The following GLT1D1 variants were observed in gnomAD, a reference collection of about 807,000 sequenced individuals.
GLT1D1 encodes glycosyltransferase 1 domain-containing protein 1.
Under a neutral mutation model 28.7 loss-of-function variants are expected in GLT1D1, and 21 were observed. The ratio of observed to expected loss-of-function variants is 0.73; its 90% CI spans 0.52 to 1.05. GLT1D1 has a LOEUF of 1.05. GLT1D1 is among the 50% of genes least tolerant of loss of function. The pLI is 0.00. For synonymous variants in GLT1D1, 147 were observed against 124.8 expected, an observed-to-expected ratio of 1.18 and a Z score of -1.19; for missense variants, 343 against 330.6, an observed-to-expected ratio of 1.04 and a Z score of -0.29.
intron 2 of GLT1D1, among the ~76,000 whole-genome samples, chr12:128,880,812 C>G (rs1593074116): frequency 6.6e-6 from 1 of 152,078 alleles, no homozygotes; most frequent in East Asian, 1.9e-4. Flanking sequence ...TGCAGTTTCG[C>G]CACCCAGAAA....
At chr12:128,977,985 A>G (rs1429553604) in intron 7 of GLT1D1, among the ~76,000 whole-genome samples, 1 of 151,582 alleles carries the variant, frequency 6.6e-6, no homozygotes, top group Non-Finnish European at 1.5e-5. Flanking sequence ...GGGTTTAACC[A>G]TGTTGGCCAG....
intron 4 of GLT1D1, among the ~76,000 whole-genome samples, chr12:128,942,910 G>A (rs561643211): frequency 1.6e-4 from 25 of 152,074 alleles, no homozygotes; most frequent in African/African-American, 4.8e-4. Context: ...CATCCAGCCC[G>A]AGTAATTTTT....
intron 7 of GLT1D1, among the ~76,000 whole-genome samples, chr12:128,980,875 CAT>C (rs560484611): frequency 1.1e-4 from 17 of 152,344 alleles, no homozygotes; most frequent in African/African-American, 4.1e-4. Context: ...GTGGCAGTGT[CAT>C]ATCGCAAAGA....
intron 6 of GLT1D1, among the ~76,000 whole-genome samples, chr12:128,950,383 C>T (rs1876573132): frequency 1.3e-5 from 2 of 152,288 alleles, no homozygotes; most frequent in South Asian, 2.1e-4. Flanking sequence ...TGAGAATCAC[C>T]GTAACCCCAA....
At chr12:128,968,846 A>G (rs1593203476) in intron 7 of GLT1D1, among the ~76,000 whole-genome samples, 1 of 151,956 alleles carries the variant, frequency 6.6e-6, no homozygotes, top group East Asian at 1.9e-4. Context: ...CTGGGTGAGG[A>G]CTGGGTCTGA....
chr12:128,934,532 A>G (rs1046615560), intron 4 of GLT1D1, among the ~76,000 whole-genome samples: 1 of 152,126 alleles, frequency 6.6e-6, no homozygotes, highest in Admixed American at 6.5e-5. Context: ...CAGTGCATCT[A>G]TGCAGTGTTT....
intron 6 of GLT1D1, among the ~76,000 whole-genome samples, chr12:128,952,443 G>GGC (rs71072429): frequency 8.5e-6 from 1 of 117,268 alleles, no homozygotes; most frequent in African/African-American, 3.4e-5. Flanking sequence ...GTGGGGGGGG[G>GGC]TGGGGCTGAA....
chr12:128,939,887 C>T (rs1874999312), intron 4 of GLT1D1, among the ~76,000 whole-genome samples: 1 of 143,340 alleles, frequency 7.0e-6, no homozygotes, highest in Admixed American at 7.0e-5. Flanking sequence ...CCACCTCCAA[C>T]AATGGGGATT....
At chr12:128,945,183 C>A in intron 4 of GLT1D1, 143 bp from the exon 9 acceptor site, 1 of 829,366 alleles carries the variant, frequency 1.2e-6, no homozygotes, top group Non-Finnish European at 2.1e-6. Context: ...TCACCACACG[C>A]AGCAGCCGCG....
chr12:128,853,684 G>T (rs776102244), intron 1 of GLT1D1, 35 bp downstream of exon 1: 26 of 1,062,128 alleles, frequency 2.4e-5, no homozygotes, highest in Non-Finnish European at 2.8e-5. Flanking sequence ...CGAAGCCTGG[G>T]CCGGGGGCCG....
intron 6 of GLT1D1, among the ~76,000 whole-genome samples, chr12:128,955,905 C>T: frequency 6.6e-6 from 1 of 151,720 alleles, no homozygotes; most frequent in Non-Finnish European, 1.5e-5. Context: ...CACAGATGCT[C>T]CTCGAGTTAT....
In GLT1D1 at chr12:128,981,009, G is replaced by A. The variant is rs1001695593; in HGVS notation, c.640-1920G>A. Among the ~76,000 whole-genome samples, 25 of 152,290 alleles carry A rather than the reference G, an allele frequency of 1.6e-4. No individual in the cohort carries two copies. The East Asian group carries it at 2.7e-3, about 16-fold the overall frequency. On this transcript the variant is annotated intron_variant, in intron 7 of 7. Coordinates refer to ENST00000281703, the MANE Select transcript of GLT1D1 (RefSeq NM_144669.3). ...ACAGGCGCGTGTCCAGCAGATTCCC[G>A]ATGCAGCCACACAGGAGCTTTTAGT...
chr12:128,906,268 A>G (rs533848830), intron 4 of GLT1D1, among the ~76,000 whole-genome samples: 25 of 152,358 alleles, frequency 1.6e-4, no homozygotes, highest in African/African-American at 6.0e-4. Flanking sequence ...TTGCTACAAT[A>G]TGTAATAGAT....
rs1019759819 is a variant in GLT1D1, at chr12:128,939,083, A to G, written c.376-6243A>G. ...GCACAAGACGAGATCATTGCACAAG[A>G]CGAGGTTGCATAAGATGATGTCGTG... On this transcript the variant is annotated intron_variant, in intron 4 of 7. Coordinates refer to ENST00000281703, the MANE Select transcript of GLT1D1 (RefSeq NM_144669.3). Among the ~76,000 whole-genome samples the G allele has an allele frequency of 3.3e-5, 5 of 152,180 alleles. No individual in the cohort carries two copies. The East Asian group carries it at 9.7e-4, about 29-fold the overall frequency.
intron 4 of GLT1D1, chr12:128,945,035 G>A: frequency 1.6e-6 from 1 of 629,584 alleles, no homozygotes; most frequent in Non-Finnish European, 2.9e-6. Flanking sequence ...CTATGAGTGA[G>A]AACATGTAAC....
chr12:128,966,828 G>A (rs2135532500), intron 7 of GLT1D1, among the ~76,000 whole-genome samples: 1 of 152,206 alleles, frequency 6.6e-6, no homozygotes, highest in African/African-American at 2.4e-5. Flanking sequence ...AACATATTCA[G>A]CCCTGGTAGG....
At chr12:128,870,316 C>T (rs978993489) in intron 1 of GLT1D1, among the ~76,000 whole-genome samples, 1 of 152,178 alleles carries the variant, frequency 6.6e-6, no homozygotes, top group Non-Finnish European at 1.5e-5. Flanking sequence ...TGACCAAACT[C>T]TACTGTACAC....
chr12:128,957,686 A>G, intron 7 of GLT1D1, 43 bp downstream of exon 11: 1 of 1,224,764 alleles, frequency 8.2e-7, no homozygotes. Context: ...CCTTATCTGA[A>G]TAGTTTTCCT....
intron 2 of GLT1D1, among the ~76,000 whole-genome samples, chr12:128,887,042 C>T (rs1384715857): frequency 4.7e-5 from 7 of 150,344 alleles, no homozygotes; most frequent in African/African-American, 7.4e-5. Flanking sequence ...GGCGGAGTCT[C>T]GCTCTATCAC....
Sources: gnomAD v4.1 joint callset for allele counts (sites outside exome capture counted in the v4.1 genomes callset) on GRCh38, gnomAD v4.1.1 for gene constraint, MANE v1.5 for transcripts, NCBI Gene and HGNC (gene_info 2026-07-23, HGNC 2026-07-21) for gene names.